Variants in PTPRM observed in about 807,000 individuals in gnomAD.
PTPRM encodes the protein protein tyrosine phosphatase receptor type M, also known as receptor-type tyrosine-protein phosphatase mu.
Under a neutral mutation model 186.7 loss-of-function variants are expected in PTPRM, and 47 were observed. That is an observed-to-expected ratio of 0.25 (90% CI 0.20 to 0.32). The LOEUF (loss-of-function observed/expected upper bound fraction) is 0.32, where lower values mean the gene tolerates loss of function less well. Among genes scored for constraint, PTPRM ranks in the 10% least tolerant of loss-of-function variants. PTPRM has a pLI of 1.00. For missense variants in PTPRM, 1,494 were observed against 1,865.0 expected (o/e 0.80, Z 3.66); for synonymous variants, 668 against 674.9 (o/e 0.99, Z 0.16).
At chr18:7,906,201 T>G (rs2049972634) in intron 3 of PTPRM, among the ~76,000 whole-genome samples, 1 of 152,130 alleles carries the variant, frequency 6.6e-6, no homozygotes, top group Non-Finnish European at 1.5e-5. Context: ...CCTGTGAGCT[T>G]CCTTGCTTTT....
At chr18:8,144,227 C>T (rs556136452) in intron 14 of PTPRM, among the ~76,000 whole-genome samples, 2 of 152,134 alleles carry the variant, frequency 1.3e-5, no homozygotes, top group Non-Finnish European at 2.9e-5. Context: ...TAGGGAAGGT[C>T]ATCAGCACAA....
chr18:7,963,802 C>T (rs750015874), intron 7 of PTPRM, among the ~76,000 whole-genome samples: 4 of 152,126 alleles, frequency 2.6e-5, no homozygotes, highest in Admixed American at 6.5e-5. Context: ...GGTCATCAGT[C>T]GCTGTCAGAG....
Position 8,063,659 on chromosome 18 carries a change from A to C in PTPRM, c.1133-6027A>C, listed in dbSNP as rs1453637068. Among the ~76,000 whole-genome samples, 16 of 152,304 alleles carry C rather than the reference A, an allele frequency of 1.1e-4. No homozygotes were observed. In the East Asian group the frequency reaches 1.5e-3, roughly 15 times the overall value. ...TTTTATTTTTTATGGATTTAGGGGT[A>C]CAAGTACAGTCATGCAATATGGATA... On this transcript the variant is annotated intron_variant, in intron 7 of 32. Coordinates refer to ENST00000580170, the MANE Select transcript of PTPRM (RefSeq NM_001105244.2).
At position 7,984,270 on chromosome 18, in the gene PTPRM, G is replaced by A. The variant is rs115149594; in HGVS notation, c.1132+28856G>A. Among the ~76,000 whole-genome samples the A allele has an allele frequency of 3.2e-3, 483 of 151,982 alleles. 3 individuals are homozygous for A. The highest frequency in any genetic ancestry group is 0.011 in the African/African-American group (463 of 41,432). On this transcript the variant is annotated intron_variant, in intron 7 of 32. Coordinates refer to ENST00000580170, the MANE Select transcript of PTPRM (RefSeq NM_001105244.2). ...ACATCCGTTTTCTTACCTAATCCTC[G>A]TAATGATTGCAAGAGAGATAACAGT...
At chr18:8,278,748 G>A (rs2094866757) in intron 19 of PTPRM, among the ~76,000 whole-genome samples, 1 of 152,176 alleles carries the variant, frequency 6.6e-6, no homozygotes, top group Non-Finnish European at 1.5e-5. Flanking sequence ...GGGCAAGAGG[G>A]AGGGTCGCCT....
chr18:7,879,606 G>T (rs982344236), intron 2 of PTPRM, among the ~76,000 whole-genome samples: 45 of 152,180 alleles, frequency 3.0e-4, no homozygotes, highest in African/African-American at 9.4e-4. Context: ...AAAAATGGCC[G>T]TTCAGTTGTG....
At chr18:8,339,368 A>C (rs1257337053) in intron 22 of PTPRM, among the ~76,000 whole-genome samples, 1 of 152,160 alleles carries the variant, frequency 6.6e-6, no homozygotes, top group African/African-American at 2.4e-5. Flanking sequence ...ACAGGGGGAC[A>C]ACTGCTGAGA....
rs747381000 is a variant in PTPRM at position 8,384,735 on chromosome 18, T to TCACTCACTGAATACTTGGAG, written c.4044+58_4044+77dup. On this transcript the variant is annotated intron_variant, in intron 30 of 32. Transcript: ENST00000580170. ...TGTGATTATGGTTTCATTTATTTTC[T>TCACTCACTGAATACTTGGAG]CACTCACTGAATACTTGGAGCACTC... 3.1e-6 allele frequency: 5 copies of TCACTCACTGAATACTTGGAG among 1,605,976 alleles called. No individual in the cohort carries two copies. The Admixed American group carries it at 8.4e-5, about 27-fold the overall frequency.
chr18:8,222,013 C>T (rs1015822371), intron 14 of PTPRM, among the ~76,000 whole-genome samples: 1 of 152,228 alleles, frequency 6.6e-6, no homozygotes, highest in Non-Finnish European at 1.5e-5. Flanking sequence ...TTGTCTCCCA[C>T]CACGTAGCTG....
intron 1 of PTPRM, among the ~76,000 whole-genome samples, chr18:7,613,345 CAAT>C (rs1014194098): frequency 3.0e-4 from 46 of 152,200 alleles, no homozygotes; most frequent in African/African-American, 8.9e-4. Flanking sequence ...AGTAGATGCT[CAAT>C]AATGATTTCA....
At chr18:7,832,031 T>TG (rs2045787546) in intron 2 of PTPRM, among the ~76,000 whole-genome samples, 1 of 152,222 alleles carries the variant, frequency 6.6e-6, no homozygotes, top group South Asian at 2.1e-4. Flanking sequence ...CTTCTGTTGA[T>TG]GGACACTTAT....
chr18:7,837,467 T>C (rs1239698243), intron 2 of PTPRM, among the ~76,000 whole-genome samples: 1 of 152,200 alleles, frequency 6.6e-6, no homozygotes, highest in Non-Finnish European at 1.5e-5. Context: ...AACACATTTT[T>C]TTTTTGAGTC....
intron 23 of PTPRM, among the ~76,000 whole-genome samples, chr18:8,354,592 T>G (rs1161549852): frequency 1.4e-5 from 2 of 146,594 alleles, no homozygotes; most frequent in African/African-American, 5.0e-5. Context: ...CTACCCTGAG[T>G]ACATTTAAAG....
intron 2 of PTPRM, among the ~76,000 whole-genome samples, chr18:7,779,128 C>CATAGCT (rs2042733463): frequency 6.6e-6 from 1 of 152,162 alleles, no homozygotes; most frequent in Admixed American, 6.5e-5. Context: ...AACTTATAAT[C>CATAGCT]ATAGCTATAA....
At chr18:7,956,605 C>T (rs1036999082) in intron 7 of PTPRM, among the ~76,000 whole-genome samples, 1 of 152,158 alleles carries the variant, frequency 6.6e-6, no homozygotes, top group African/African-American at 2.4e-5. Context: ...CCTCGTGGCA[C>T]CTTTGTGCAG....
intron 1 of PTPRM, among the ~76,000 whole-genome samples, chr18:7,643,995 A>G (rs1184810992): frequency 6.6e-6 from 1 of 152,192 alleles, no homozygotes; most frequent in Admixed American, 6.5e-5. Flanking sequence ...ATTTAAATAT[A>G]ATAGTGTAAT....
intron 7 of PTPRM, among the ~76,000 whole-genome samples, chr18:8,028,700 G>T (rs1262573027): frequency 6.6e-6 from 1 of 152,174 alleles, no homozygotes. Context: ...AGACACTGGA[G>T]TTAGGGGGTC....
At chr18:7,701,304 A>G (rs1268311348) in intron 1 of PTPRM, among the ~76,000 whole-genome samples, 6 of 144,900 alleles carry the variant, frequency 4.1e-5, no homozygotes, top group Admixed American at 2.1e-4. Flanking sequence ...CCGTATCTCA[A>G]AAAAAAAAAA....
At position 8,380,300 on chromosome 18, in the gene PTPRM, A is replaced by G. The variant is rs1170865050; in HGVS notation, c.3791A>G (p.Tyr1264Cys). 6.2e-7 allele frequency: 1 copy of G among 1,613,720 alleles called. No individual in the cohort carries two copies. Among genetic ancestry groups the G allele is most frequent in the South Asian group, 1.1e-5 (1 of 91,072 alleles). ...CATTCTTGTTTGTGTTTGCAGAGCT[A>G]TAAACAGCCTTCAGCTTTTATAGTC... ...NYINAALMDS[Y>C]KQPSAFIVTQ... is the part of the protein sequence containing the mutation. Residue 1264 changes from tyrosine (Y) to cysteine (C), a missense_variant, in exon 29 of 33, where the codon TAT (tyrosine) becomes TGT (cysteine). This residue lies in a region of PTPRM where 1,107 missense variants were observed against 1,350.2 expected (regional missense o/e 0.82). Transcript: ENST00000580170.
Sources: gnomAD v4.1 joint callset for allele counts (sites outside exome capture counted in the v4.1 genomes callset) on GRCh38, gnomAD v4.1.1 for gene constraint, gnomAD v4.1.1 regional missense constraint, MANE v1.5 for transcripts, NCBI Gene and HGNC (gene_info 2026-07-23, HGNC 2026-07-21) for gene names.